The following DLEC1 variants were observed in gnomAD, a reference collection of about 807,000 sequenced individuals.
DLEC1 encodes DLEC1 cilia and flagella associated protein, also known as deleted in lung and esophageal cancer protein 1.
DLEC1 carries 146 observed loss-of-function variants against 198.1 expected under a neutral mutation model. The observed-to-expected ratio is 0.74, with a 90% CI of 0.64 to 0.85. DLEC1 has a LOEUF of 0.85. DLEC1 is among the 40% of genes least tolerant of loss of function. DLEC1 has a pLI of 0.00. For missense variants in DLEC1, 2,233 were observed against 2,220.0 expected (o/e 1.01, Z -0.12); for synonymous variants, 897 against 866.8 (o/e 1.03, Z -0.61).
At chr3:38,082,170 A>T (rs1436647912) in intron 6 of DLEC1, among the ~76,000 whole-genome samples, 1 of 142,154 alleles carries the variant, frequency 7.0e-6, no homozygotes, top group African/African-American at 2.7e-5. Flanking sequence ...GCGGCGGGGC[A>T]GAGGCGCTCC....
At chr3:38,094,382 G>A (rs1698900900) in intron 12 of DLEC1, among the ~76,000 whole-genome samples, 1 of 152,240 alleles carries the variant, frequency 6.6e-6, no homozygotes, top group Admixed American at 6.5e-5. Context: ...CCTATGCTAT[G>A]GAGTTGCCAC....
chr3:38,095,834 G>A (rs1698986380), intron 13 of DLEC1, 54 bp from the exon 14 acceptor site: 17 of 1,610,040 alleles, frequency 1.1e-5, no homozygotes, highest in Middle Eastern at 1.8e-4. Flanking sequence ...GCCTTCTCCA[G>A]GACAACCTGC....
chr3:38,062,486 G>A, intron 4 of DLEC1, 95 bp from the exon 5 acceptor site: 1 of 1,574,596 alleles, frequency 6.4e-7, no homozygotes, highest in Non-Finnish European at 8.7e-7. Flanking sequence ...AGTAGAGCTT[G>A]TGTTGGCCAT....
intron 18 of DLEC1, 144 bp from the exon 19 acceptor site, chr3:38,100,142 G>A: frequency 4.0e-6 from 4 of 989,220 alleles, no homozygotes; most frequent in Non-Finnish European, 5.8e-6. Flanking sequence ...TCCCCCACCT[G>A]CTTGCCTGTT....
chr3:38,101,884 T>C (rs553077015), intron 19 of DLEC1, among the ~76,000 whole-genome samples: 2 of 152,342 alleles, frequency 1.3e-5, no homozygotes, highest in East Asian at 1.9e-4. Flanking sequence ...AAGTCTGTGC[T>C]TATTTCCTTT....
rs1699891142 is a variant in DLEC1, at chr3:38,111,733, AGCGAGAGCAGCTGGGTAAGC to A, written c.3503_3514+8del. The A allele has an allele frequency of 2.5e-6, 4 of 1,612,492 alleles. No homozygotes were observed. In the South Asian group the frequency reaches 4.4e-5, roughly 18 times the overall value. On this transcript the variant is annotated splice_donor_variant and splice_donor_5th_base_variant and coding_sequence_variant and intron_variant, in exon 24 of 37. Coordinates refer to ENST00000308059, the MANE Select transcript of DLEC1 (RefSeq NM_007335.4). LOFTEE classifies it high-confidence loss of function. ...GTGCGGATGCAAGAGCACCTGGCCAAGCGAGAGCAGCTGGGTAAGCGCCACCAGGGTGGGGCTTCGGGGCC... is the reference window on the plus strand; with the variant it reads ...GTGCGGATGCAAGAGCACCTGGCCAAGCCACCAGGGTGGGGCTTCGGGGCC...
At chr3:38,081,493 G>A (rs1697991474) in intron 6 of DLEC1, among the ~76,000 whole-genome samples, 1 of 97,434 alleles carries the variant, frequency 1.0e-5, no homozygotes, top group South Asian at 3.1e-4. Flanking sequence ...CGGGCAGAGG[G>A]GCTCCTCACT....
At chr3:38,065,225 G>T (rs945727325) in intron 6 of DLEC1, among the ~76,000 whole-genome samples, 3 of 152,244 alleles carry the variant, frequency 2.0e-5, no homozygotes, top group Non-Finnish European at 4.4e-5. Flanking sequence ...GCAATCGCAG[G>T]CACTCGGCAG....
intron 4 of DLEC1, 94 bp downstream of exon 4, chr3:38,062,462 C>T: frequency 6.4e-7 from 1 of 1,574,470 alleles, no homozygotes; most frequent in Non-Finnish European, 8.7e-7. Context: ...TGTGATGAAT[C>T]CATCGCAAAA....
At chr3:38,072,814 T>A (rs1474335024) in intron 6 of DLEC1, among the ~76,000 whole-genome samples, 1 of 152,014 alleles carries the variant, frequency 6.6e-6, no homozygotes, top group African/African-American at 2.4e-5. Flanking sequence ...AGGTAGGTAA[T>A]GGATGGAGAA....
At chr3:38,100,208 T>C (rs189103091) in intron 18 of DLEC1, 78 bp from the exon 19 acceptor site, 1 of 1,485,516 alleles carries the variant, frequency 6.7e-7, no homozygotes, top group East Asian at 2.4e-5. Flanking sequence ...TGACTTTGGT[T>C]AGGCATGGCC....
Position 38,107,603 on chromosome 3 carries a change from G to A in DLEC1, c.2884G>A (p.Glu962Lys). 1.2e-6 allele frequency: 2 copies of A among 1,611,958 alleles called. No individual in the cohort carries two copies. Among genetic ancestry groups the A allele is most frequent in the Non-Finnish European group, 1.7e-6 (2 of 1,178,866 alleles). Residue 962 changes from glutamate to lysine, a missense_variant, in exon 20 of 37, where the codon GAG becomes AAG. Coordinates refer to ENST00000308059, the MANE Select transcript of DLEC1 (RefSeq NM_007335.4). ...TTCCAGCTACCTTCCTGTGTATGCT[G>A]AGGTACAGAAGCCCCATGTGTACCT... is the stretch of plus-strand genomic sequence containing the variant. Reference protein sequence around the residue: ...GAWSYLPVYAEVQKPHVYLQS... With the variant: ...GAWSYLPVYAKVQKPHVYLQS...
rs192094568 is a variant in DLEC1 at position 38,071,895 on chromosome 3, G to T, written c.1173+7976G>T. Among the ~76,000 whole-genome samples the T allele has an allele frequency of 2.6e-5, 4 of 152,336 alleles. No homozygotes were observed. In the East Asian group the frequency reaches 7.7e-4, roughly 29 times the overall value. On this transcript the variant is annotated intron_variant, in intron 6 of 36. Coordinates refer to ENST00000308059, the MANE Select transcript of DLEC1 (RefSeq NM_007335.4). ...GCATAGTCCTTTTCCAAGAGTGAGG[G>T]CTTGAGTTAAGGCAACTAGTCTGGC...
At chr3:38,049,560 A>G (rs1480519802) in intron 2 of DLEC1, among the ~76,000 whole-genome samples, 3 of 152,216 alleles carry the variant, frequency 2.0e-5, no homozygotes. Context: ...TCGCAGAGCC[A>G]TGCCCAGGAG....
intron 13 of DLEC1, chr3:38,095,314 C>T (rs954118252): frequency 4.1e-5 from 22 of 541,188 alleles, no homozygotes; most frequent in Admixed American, 1.3e-4. Flanking sequence ...TGGCTTCCTC[C>T]GCTCTGGGTG....
rs1383088128 is a variant in DLEC1 at position 38,117,022 on chromosome 3, T to C, written c.4227T>C (p.Pro1409=). 1.2e-5 allele frequency: 20 copies of C among 1,613,890 alleles called. No individual in the cohort carries two copies. The highest frequency in any genetic ancestry group is 2.7e-5 in the African/African-American group (2 of 74,888). ...GSSTIYISFT[P]MVLSPEILHK... Reference sequence around the variant, plus strand: ...GTACCATCTACATCTCCTTCACCCCTATGGTGCTCAGCCCTGAGATCCTGC... The same window carrying C: ...GTACCATCTACATCTCCTTCACCCCCATGGTGCTCAGCCCTGAGATCCTGC... The change falls in exon 30 of 37, where the codon CCT becomes CCC. Residue 1409 remains proline, a synonymous_variant. Transcript: ENST00000308059.
At chr3:38,085,003 G>T (rs1318679423) in intron 7 of DLEC1, among the ~76,000 whole-genome samples, 2 of 152,186 alleles carry the variant, frequency 1.3e-5, no homozygotes, top group Non-Finnish European at 2.9e-5. Context: ...ATCCACCAAA[G>T]AAATTCTAAG....
At chr3:38,109,719 T>G (rs1329072490) in intron 22 of DLEC1, 157 bp downstream of exon 22, 1 of 1,252,094 alleles carries the variant, frequency 8.0e-7, no homozygotes, top group African/African-American at 1.5e-5. Context: ...ACCACTCCTG[T>G]GGGGACAGCT....
Position 38,122,953 on chromosome 3 carries a change from G to A in DLEC1, c.*541G>A. On this transcript the variant is annotated 3_prime_UTR_variant, in exon 37 of 37. Transcript: ENST00000308059. The stretch of plus-strand genomic sequence containing the variant: ...GTCCACTGCCACCACCACCAGTGCT[G>A]AGTTTTCCCATGTGGTTTTGCTTTT... 7 of 1,298,314 alleles carry A rather than the reference G, an allele frequency of 5.4e-6. No individual in the cohort carries two copies. Among genetic ancestry groups the A allele is most frequent in the Non-Finnish European group, 7.7e-6 (7 of 904,004 alleles). 80.4% of individuals were successfully genotyped at this position (1,298,314 alleles called of 1,614,324 possible). A position where few individuals can be genotyped will look rare whatever the true frequency, so the allele number is the denominator to read the frequency against.
Sources: gnomAD v4.1 joint callset for allele counts (sites outside exome capture counted in the v4.1 genomes callset) on GRCh38, gnomAD v4.1.1 for gene constraint, MANE v1.5 for transcripts, NCBI Gene and HGNC (gene_info 2026-07-23, HGNC 2026-07-21) for gene names.